Variants in MYH4 observed in about 807,000 individuals in gnomAD.
The protein encoded by MYH4 is myosin-4.
In MYH4, 200 loss-of-function variants were observed where a neutral mutation model predicts 229.9. The observed-to-expected ratio is 0.87, with a 90% CI of 0.78 to 0.98. The LOEUF (loss-of-function observed/expected upper bound fraction) is 0.98, where lower values mean the gene tolerates loss of function less well. MYH4 is among the 50% of genes least tolerant of loss of function. MYH4 has a pLI of 0.00. For missense variants in MYH4, 2,148 were observed against 2,332.6 expected, an observed-to-expected ratio of 0.92 and a Z score of 1.63; for synonymous variants, 761 against 834.6, an observed-to-expected ratio of 0.91 and a Z score of 1.52.
Position 10,466,424 on chromosome 17 carries a change from GAAAAGAAAAA to G in MYH4, c.205-18_205-9del. 1 of 1,611,902 alleles carries G rather than the reference GAAAAGAAAAA, an allele frequency of 6.2e-7. No individual in the cohort carries two copies. The highest frequency in any genetic ancestry group is 8.5e-7 in the Non-Finnish European group (1 of 1,179,404). On this transcript the variant is annotated splice_polypyrimidine_tract_variant and intron_variant, in intron 3 of 39. Transcript: ENST00000255381. ...TTCTTTCACAGTTACAGTCTGTTAA[GAAAAGAAAAA>G]ACAAGTGCATATCAAATAAGTAGCA...
chr17:10,461,733 C>CT (rs1399031880), intron 11 of MYH4, among the ~76,000 whole-genome samples: 19 of 152,260 alleles, frequency 1.2e-4, no homozygotes, highest in African/African-American at 4.1e-4. Flanking sequence ...ATTTCTGTGT[C>CT]TTTTTTCTCT....
In MYH4 at chr17:10,452,405, T is replaced by C. The variant is rs1291649676; in HGVS notation, c.3348+11A>G. On this transcript the variant is annotated intron_variant, in intron 26 of 39. Transcript: ENST00000255381. The stretch of plus-strand genomic sequence containing the variant: ...CTGTAATGCCCAGAAAAGGTGGAGG[T>C]TATAACTTACCTGTAATTCTTTGAT... The C allele has an allele frequency of 1.9e-6, 3 of 1,614,124 alleles. No individual in the cohort carries two copies. Among genetic ancestry groups the C allele is most frequent in the Non-Finnish European group, 2.5e-6 (3 of 1,180,000 alleles).
chr17:10,456,041 T>C (rs2072635421), intron 17 of MYH4, 140 bp from the exon 18 acceptor site: 1 of 1,059,464 alleles, frequency 9.4e-7, no homozygotes, highest in African/African-American at 1.6e-5. Flanking sequence ...AGGAATCATA[T>C]AAGTGGAGCA....
In MYH4 at chr17:10,451,399, T is replaced by C. The variant is rs1318796790; in HGVS notation, c.3792A>G (p.Lys1264=). ...RTLEDQLSEI[K]TKEEEQQRLI... ...AGCGTTGTTGCTCTTCTTCCTTTGTTTTTATTTCACTAAGCTGGTCCTCTA... is the reference window on the plus strand; with the variant it reads ...AGCGTTGTTGCTCTTCTTCCTTTGTCTTTATTTCACTAAGCTGGTCCTCTA... Residue 1264 remains lysine (K), a synonymous_variant, in exon 28 of 40, where the codon AAA becomes AAG. Coordinates refer to ENST00000255381, the MANE Select transcript of MYH4 (RefSeq NM_017533.2). The C allele has an allele frequency of 3.1e-6, 5 of 1,614,124 alleles. No individual in the cohort carries two copies. In the East Asian group the frequency reaches 8.9e-5, roughly 29 times the overall value.
chr17:10,446,980 G>T (rs754018870), intron 35 of MYH4, 33 bp downstream of exon 35: 1 of 1,589,782 alleles, frequency 6.3e-7, no homozygotes, highest in Non-Finnish European at 8.6e-7. Flanking sequence ...GCTTCAGGGA[G>T]TACATTTTCT....
chr17:10,445,456 T>C, intron 35 of MYH4, 94 bp from the exon 36 acceptor site: 1 of 1,492,260 alleles, frequency 6.7e-7, no homozygotes, highest in Non-Finnish European at 9.1e-7. Context: ...AAATTATTGA[T>C]CATAAGAAAT....
At chr17:10,458,321 A>G (rs531756875) in intron 15 of MYH4, among the ~76,000 whole-genome samples, 1 of 152,320 alleles carries the variant, frequency 6.6e-6, no homozygotes, top group African/African-American at 2.4e-5. Context: ...TAACAAATTC[A>G]CAAATTGTAC....
At chr17:10,464,914 T>C (rs2072746030) in intron 5 of MYH4, among the ~76,000 whole-genome samples, 1 of 152,238 alleles carries the variant, frequency 6.6e-6, no homozygotes, top group South Asian at 2.1e-4. Flanking sequence ...TTCTAATGTA[T>C]AGACTATGTA....
chr17:10,447,359 T>G (rs2072523499), intron 34 of MYH4, 143 bp from the exon 35 acceptor site: 1 of 678,440 alleles, frequency 1.5e-6, no homozygotes. Flanking sequence ...AATAAATTCT[T>G]TGTAGCTGAG....
At chr17:10,461,305 C>G (rs1054969683) in intron 11 of MYH4, among the ~76,000 whole-genome samples, 2 of 152,146 alleles carry the variant, frequency 1.3e-5, no homozygotes, top group Admixed American at 1.3e-4. Flanking sequence ...TGTCCACACT[C>G]ACTGAACCAG....
At chr17:10,448,553 T>C in intron 32 of MYH4, 33 bp from the exon 33 acceptor site, 2 of 1,609,972 alleles carry the variant, frequency 1.2e-6, no homozygotes, top group Non-Finnish European at 1.7e-6. Context: ...TTCAGTTAAG[T>C]AGAAAGAAAA....
chr17:10,456,422 TC>T, intron 17 of MYH4, 62 bp downstream of exon 17: 1 of 1,364,928 alleles, frequency 7.3e-7, no homozygotes, highest in Non-Finnish European at 1.0e-6. Context: ...TAAAAAATTT[TC>T]TGTTTTGATG....
chr17:10,456,162 T>C (rs1257693592), intron 17 of MYH4, among the ~76,000 whole-genome samples: 1 of 152,224 alleles, frequency 6.6e-6, no homozygotes, highest in Non-Finnish European at 1.5e-5. Context: ...GAAGGAGATG[T>C]AATTGAATAC....
intron 28 of MYH4, 72 bp downstream of exon 28, chr17:10,451,254 A>G (rs2072569047): frequency 4.5e-6 from 7 of 1,539,920 alleles, no homozygotes; most frequent in East Asian, 2.3e-5. Context: ...AATTACTTGT[A>G]TTTGATAGGT....
At chr17:10,459,051 T>C (rs570501657) in intron 15 of MYH4, among the ~76,000 whole-genome samples, 200 bp downstream of exon 15, 1 of 152,300 alleles carries the variant, frequency 6.6e-6, no homozygotes, top group South Asian at 2.1e-4. Context: ...TCCATATGTG[T>C]GTGAGTGATA....
intron 35 of MYH4, 141 bp from the exon 36 acceptor site, chr17:10,445,503 G>T: frequency 8.7e-7 from 1 of 1,144,210 alleles, no homozygotes; most frequent in Non-Finnish European, 1.2e-6. Flanking sequence ...ATAATTCTAA[G>T]TTTATGCCTT....
intron 14 of MYH4, 146 bp from the exon 15 acceptor site, chr17:10,459,567 C>A (rs2072678606): frequency 1.4e-6 from 2 of 1,402,514 alleles, no homozygotes; most frequent in Non-Finnish European, 1.9e-6. Flanking sequence ...TAGTTCTAAA[C>A]AAAGTAGAAT....
Position 10,444,627 on chromosome 17 carries a change from A to G in MYH4, c.5644T>C (p.Tyr1882His), listed in dbSNP as rs2072490106. The change falls in exon 39 of 40, where the codon TAC (tyrosine) becomes CAC (histidine). Residue 1882 changes from tyrosine (Y) to histidine (H), a missense_variant. By Grantham distance (83) the Tyr-to-His change is moderately conservative. Coordinates refer to ENST00000255381, the MANE Select transcript of MYH4 (RefSeq NM_017533.2). ...VDKLQTKVKA[Y>H]KRQAEEAEEQ... ...ACAGCCTCTTCAGCTTGTCTCTTGT[A>G]AGCTTTGACTTTGGTTTGCAATTTG... The G allele has an allele frequency of 6.2e-7, 1 of 1,613,650 alleles. No homozygotes were observed. The highest frequency in any genetic ancestry group is 8.5e-7 in the Non-Finnish European group (1 of 1,179,900).
chr17:10,464,467 C>G lies in MYH4; in HGVS notation c.648+5G>C. On this transcript the variant is annotated splice_donor_5th_base_variant and intron_variant, in intron 7 of 39. Transcript: ENST00000255381. The stretch of plus-strand genomic sequence containing the variant: ...ATTCTGTCCTTAGATGAATATCATG[C>G]CCACCTGCATTTTGCCAGAGGCAGG... 6.2e-7 allele frequency: 1 copy of G among 1,609,006 alleles called. No individual in the cohort carries two copies. The highest frequency in any genetic ancestry group is 8.5e-7 in the Non-Finnish European group (1 of 1,176,756).
Sources: gnomAD v4.1 joint callset for allele counts (sites outside exome capture counted in the v4.1 genomes callset) on GRCh38, gnomAD v4.1.1 for gene constraint, MANE v1.5 for transcripts, NCBI Gene and HGNC (gene_info 2026-07-23, HGNC 2026-07-21) for gene names.